The following UROS variants were observed in gnomAD, a reference collection of about 807,000 sequenced individuals.
The protein encoded by UROS is uroporphyrinogen-III synthase.
Under a neutral mutation model 33.0 loss-of-function variants are expected in UROS, and 18 were observed. That is an observed-to-expected ratio of 0.55 (90% confidence interval 0.38 to 0.81). UROS has a LOEUF of 0.81. UROS is among the 30% of genes least tolerant of loss of function. UROS has a pLI of 0.00. For synonymous variants in UROS, 114 were observed against 121.1 expected, an observed-to-expected ratio of 0.94 and a Z score of 0.38; for missense variants, 293 against 314.9, an observed-to-expected ratio of 0.93 and a Z score of 0.53.
intron 6 of UROS, 34 bp from the exon 7 acceptor site, chr10:125,798,179 AG>A: frequency 6.2e-7 from 1 of 1,608,898 alleles, no homozygotes; most frequent in Admixed American, 1.7e-5. Flanking sequence ...GTGAAAACTC[AG>A]GGCCAGTGCC....
intron 6 of UROS, among the ~76,000 whole-genome samples, chr10:125,798,921 CA>C (rs1397068816): frequency 6.6e-6 from 1 of 152,182 alleles, no homozygotes; most frequent in East Asian, 1.9e-4. Flanking sequence ...GAATCTTCCC[CA>C]AATGTGAAAA....
intron 5 of UROS, among the ~76,000 whole-genome samples, chr10:125,811,465 A>C (rs1449934461): frequency 6.6e-6 from 1 of 152,230 alleles, no homozygotes; most frequent in Non-Finnish European, 1.5e-5. Flanking sequence ...GCTTGTGGTA[A>C]AAGTCATGCT....
At chr10:125,821,883 A>G (rs1313881705) in intron 1 of UROS, among the ~76,000 whole-genome samples, 1 of 152,192 alleles carries the variant, frequency 6.6e-6, no homozygotes, top group Non-Finnish European at 1.5e-5. Context: ...TTACTTTAAT[A>G]TCCATGACAT....
At chr10:125,789,086 C>G in intron 9 of UROS, 81 bp from the exon 10 acceptor site, 1 of 1,558,050 alleles carries the variant, frequency 6.4e-7, no homozygotes, top group Non-Finnish European at 8.8e-7. Flanking sequence ...GTGCAGGGGC[C>G]GTCAGCCAGC....
chr10:125,792,249 T>C (rs1850991458), intron 9 of UROS: 1 of 152,152 alleles, frequency 6.6e-6, no homozygotes, highest in African/African-American at 2.4e-5. Flanking sequence ...ATCAACAGTT[T>C]GGTGAAACAG....
At chr10:125,789,055 G>C (rs747158587) in intron 9 of UROS, 50 bp from the exon 10 acceptor site, 13 of 1,606,880 alleles carry the variant, frequency 8.1e-6, no homozygotes, top group Non-Finnish European at 8.5e-6. Flanking sequence ...GGAGGGGCTG[G>C]GGCAGCAGGC....
At chr10:125,801,937 G>A in intron 6 of UROS, 4 of 868,032 alleles carry the variant, frequency 4.6e-6, no homozygotes, top group Non-Finnish European at 5.5e-6. Context: ...CAAACTGTGG[G>A]TACAGCTCAA....
intron 3 of UROS, among the ~76,000 whole-genome samples, chr10:125,815,398 A>G (rs1467163329): frequency 6.6e-6 from 1 of 152,226 alleles, no homozygotes; most frequent in Non-Finnish European, 1.5e-5. Flanking sequence ...ACACAGGGTG[A>G]TAAGTGCACT....
chr10:125,816,514 C>T lies in UROS; in HGVS notation c.-15G>A. ...AGAACCTTCATTATTGCCTGGCAGT[C>T]CTTATAGGGCACTGCGACAGAGCAA... On this transcript the variant is annotated 5_prime_UTR_variant, in exon 2 of 10. Coordinates refer to ENST00000368797, the MANE Select transcript of UROS (RefSeq NM_000375.3). 6.2e-7 allele frequency: 1 copy of T among 1,614,168 alleles called. No individual in the cohort carries two copies. The highest frequency in any genetic ancestry group is 8.5e-7 in the Non-Finnish European group (1 of 1,180,030).
intron 7 of UROS, chr10:125,796,864 GAAAAT>G: frequency 1.0e-6 from 1 of 985,356 alleles, no homozygotes; most frequent in African/African-American, 1.7e-5. Flanking sequence ...TCAGGCTTCT[GAAAAT>G]AAAATGGGAA....
intron 9 of UROS, among the ~76,000 whole-genome samples, chr10:125,791,192 A>C (rs56398355): frequency 0.034 from 5,236 of 152,284 alleles, 144 homozygotes; most frequent in Non-Finnish European, 0.052. Context: ...ATTTGAATAG[A>C]TATCTCTTTA....
intron 8 of UROS, among the ~76,000 whole-genome samples, chr10:125,795,646 C>T (rs1313493813): frequency 6.6e-6 from 1 of 152,176 alleles, no homozygotes. Context: ...CCAGTGTCTG[C>T]CCCTCCAGCT....
chr10:125,812,276 G>T lies in UROS; in HGVS notation c.257C>A (p.Ser86Tyr). The part of the protein sequence containing the change: ...QNNKTEVWER[S>Y]LKEKWNAKSV... ...CTTGGCATTCCATTTTTCTTTCAGA[G>T]ACCTTTCCCAGACTGTAAAACATGA... The change falls in exon 5 of 10, where the codon TCT becomes TAT. Residue 86 changes from serine to tyrosine, a missense_variant. By Grantham distance (144) the Ser-to-Tyr change is moderately radical (BLOSUM62 -2). Transcript: ENST00000368797. 1 of 1,613,720 alleles carries T rather than the reference G, an allele frequency of 6.2e-7. No individual in the cohort carries two copies. Among genetic ancestry groups the T allele is most frequent in the Middle Eastern group, 1.7e-4 (1 of 6,060 alleles).
intron 5 of UROS, among the ~76,000 whole-genome samples, chr10:125,809,995 G>A (rs1281726740): frequency 6.6e-6 from 1 of 152,158 alleles, no homozygotes; most frequent in Non-Finnish European, 1.5e-5. Context: ...GCTATTCACT[G>A]GACCCTTGTT....
chr10:125,807,424 T>A lies in UROS; in HGVS notation c.383A>T (p.Tyr128Phe), dbSNP rs141122081. Residue 128 changes from tyrosine to phenylalanine, a missense_variant, in exon 6 of 10, where the codon TAT becomes TTT. Tyr to Phe is a conservative substitution (Grantham distance 22). Transcript: ENST00000368797. Reference sequence around the variant, plus strand: ...GTTTTTCTACTTACTGGAACAAATATATTCTGCAAGCTTTTCTGCATTTCC... The same window carrying A: ...GTTTTTCTACTTACTGGAACAAATAAATTCTGCAAGCTTTTCTGCATTTCC... ...TCGNAEKLAEYICSRESSALP... is the reference protein window; with the variant it reads ...TCGNAEKLAEFICSRESSALP... 1.5e-5 allele frequency: 25 copies of A among 1,613,986 alleles called. No individual in the cohort carries two copies.
chr10:125,788,973 C>T lies in UROS; in HGVS notation c.693G>A (p.Ala231=), dbSNP rs757010047. The change falls in exon 10 of 10, where the codon GCG becomes GCA. Residue 231 remains alanine, a synonymous_variant. Transcript: ENST00000368797. ...TTACAGGAAGGCCCTGGGCGGCCAG[C>T]GCGCGAGCCGTAGTGGGGCCGATGG... ...FAAIGPTTAR[A]LAAQGLPVSC... 1.5e-5 allele frequency: 24 copies of T among 1,611,770 alleles called. No homozygotes were observed. Among genetic ancestry groups the T allele is most frequent in the Middle Eastern group, 1.6e-4 (1 of 6,066 alleles).
downstream of UROS, chr10:125,785,093 G>A (rs182481893): frequency 3.9e-5 from 6 of 152,290 alleles, no homozygotes; most frequent in East Asian, 1.9e-4. Flanking sequence ...AAAAAATCTC[G>A]TAGTAATAGT....
At chr10:125,798,279 C>T in intron 6 of UROS, 134 bp from the exon 7 acceptor site, 2 of 863,040 alleles carry the variant, frequency 2.3e-6, no homozygotes, top group Non-Finnish European at 3.8e-6. Context: ...GACTCAGTTT[C>T]AGCATCTGTA....
At chr10:125,812,559 G>C (rs1852909667) in intron 4 of UROS, among the ~76,000 whole-genome samples, 1 of 152,100 alleles carries the variant, frequency 6.6e-6, no homozygotes. Flanking sequence ...ATTTTAATGG[G>C]AACCACGAAA....
Sources: gnomAD v4.1 joint callset for allele counts (sites outside exome capture counted in the v4.1 genomes callset) on GRCh38, gnomAD v4.1.1 for gene constraint, MANE v1.5 for transcripts, NCBI Gene and HGNC (gene_info 2026-07-23, HGNC 2026-07-21) for gene names.